The following RARB variants were observed in gnomAD, a reference collection of about 807,000 sequenced individuals.
RARB encodes HBV-activated protein.
A neutral mutation model predicts 51.9 loss-of-function variants in RARB; 17 were observed. That is an observed-to-expected ratio of 0.33 (90% CI 0.22 to 0.49). The LOEUF is 0.49. Among genes scored for constraint, RARB ranks in the 20% least tolerant of loss-of-function variants. The pLI is 0.99. For missense variants in RARB, 369 were observed against 550.8 expected (o/e 0.67, Z 3.30); for synonymous variants, 215 against 195.4 (o/e 1.10, Z -0.84).
In RARB at chr3:25,242,720, A is replaced by G. The variant is rs189639729; in HGVS notation, c.178+68145A>G. 3.0e-3 allele frequency among the ~76,000 whole-genome samples: 461 copies of G among 152,242 alleles called. 4 individuals are homozygous for G. The highest frequency in any genetic ancestry group is 0.011 in the African/African-American group (447 of 41,536). ...GTTTTGGTTATTGTAGCCTTGTAAT[A>G]TAGTTTGAAGTGAAGTAGCATGATG... On this transcript the variant is annotated intron_variant, in intron 5 of 11. Coordinates refer to the RARB transcript ENST00000383772.
chr3:25,475,073 T>A (rs1174120578), intron 2 of RARB, among the ~76,000 whole-genome samples: 2 of 152,226 alleles, frequency 1.3e-5, no homozygotes, highest in Non-Finnish European at 2.9e-5. Context: ...AAATTCATAA[T>A]GCAGGCACTT....
intron 5 of RARB, among the ~76,000 whole-genome samples, chr3:25,253,645 A>C (rs191351310): frequency 3.1e-4 from 47 of 152,260 alleles, no homozygotes; most frequent in South Asian, 1.2e-3. Flanking sequence ...GAAAGAAGAA[A>C]ATAAAATTAA....
In RARB at chr3:25,033,311, A is replaced by G. The variant is rs139406445; in HGVS notation, c.-379-26814A>G. Among the ~76,000 whole-genome samples, 105 of 152,338 alleles carry G rather than the reference A, an allele frequency of 6.9e-4. No homozygotes were observed. In the Middle Eastern group the frequency reaches 0.017, roughly 25 times the overall value. Reference sequence around the variant, plus strand: ...GGGTCACTCATCTATTGTTAAAGATAGCTGTATTAGTCAAGGTCTCAGAAT... The same window carrying G: ...GGGTCACTCATCTATTGTTAAAGATGGCTGTATTAGTCAAGGTCTCAGAAT... On this transcript the variant is annotated intron_variant, in intron 2 of 11. Transcript: ENST00000383772.
At chr3:24,970,164 A>G (rs1696364499) in intron 2 of RARB, among the ~76,000 whole-genome samples, 1 of 152,122 alleles carries the variant, frequency 6.6e-6, no homozygotes, top group South Asian at 2.1e-4. Context: ...ATTAAACTTT[A>G]TCAAAGCAAC....
chr3:24,967,608 C>T (rs1378374631), intron 2 of RARB, among the ~76,000 whole-genome samples: 2 of 152,114 alleles, frequency 1.3e-5, no homozygotes, highest in African/African-American at 4.8e-5. Flanking sequence ...TATTACCCTT[C>T]CACTGGCCTT....
intron 2 of RARB, among the ~76,000 whole-genome samples, chr3:25,469,159 C>T (rs1695578694): frequency 1.3e-5 from 2 of 152,332 alleles, no homozygotes; most frequent in East Asian, 1.9e-4. Context: ...TGACAGCGTT[C>T]GGCTGCTGGG....
intron 5 of RARB, among the ~76,000 whole-genome samples, chr3:25,253,508 T>A (rs957366142): frequency 4.6e-5 from 7 of 152,118 alleles, no homozygotes; most frequent in African/African-American, 1.7e-4. Flanking sequence ...AGCAAACCAC[T>A]TTATGCACTA....
At position 25,428,377 on chromosome 3, in the gene RARB, C is replaced by T. The variant is rs1708063709; in HGVS notation, c.-355C>T. The T allele has an allele frequency of 8.0e-7, 1 of 1,248,264 alleles. No individual in the cohort carries two copies. Among genetic ancestry groups the T allele is most frequent in the Non-Finnish European group, 1.0e-6 (1 of 997,686 alleles). The allele number at this position is 1,248,264 out of a possible 1,614,324, so 77.3% of individuals were successfully genotyped here. On this transcript the variant is annotated 5_prime_UTR_variant, in exon 1 of 8. An upstream open reading frame in the 5' UTR gains an earlier in-frame stop. Coordinates refer to ENST00000330688, the MANE Select transcript of RARB (RefSeq NM_000965.5). ...TTTGAGGACTGGGATGCCGAGAACG[C>T]GAGCGATCCGAGCAGGGTTTGTCTG...
At chr3:25,157,564 A>C (rs1012236967) in intron 4 of RARB, among the ~76,000 whole-genome samples, 1 of 88,930 alleles carries the variant, frequency 1.1e-5, no homozygotes, top group Non-Finnish European at 2.6e-5. Flanking sequence ...CACCCAGCTA[A>C]TTTTTTATTT....
At chr3:25,278,513 C>G (rs1703445724) in intron 5 of RARB, among the ~76,000 whole-genome samples, 1 of 152,168 alleles carries the variant, frequency 6.6e-6, no homozygotes, top group Non-Finnish European at 1.5e-5. Context: ...AACAGTGTCT[C>G]TATACAGGGG....
intron 4 of RARB, among the ~76,000 whole-genome samples, chr3:25,151,602 C>T (rs1221135245): frequency 6.6e-6 from 1 of 152,172 alleles, no homozygotes; most frequent in Non-Finnish European, 1.5e-5. Context: ...GACGATTCAG[C>T]ATTATATGCG....
chr3:25,189,491 A>C (rs1701048610), intron 5 of RARB, among the ~76,000 whole-genome samples: 3 of 152,066 alleles, frequency 2.0e-5, no homozygotes, highest in Admixed American at 2.0e-4. Flanking sequence ...AAAAGGCCAA[A>C]ATGTTCCCTC....
chr3:25,473,114 G>T (rs754019823), intron 2 of RARB, among the ~76,000 whole-genome samples: 3 of 152,154 alleles, frequency 2.0e-5, no homozygotes, highest in Non-Finnish European at 2.9e-5. Flanking sequence ...TTGTCTTCTT[G>T]TCACTATCTC....
At chr3:25,525,371 G>A (rs1276756822) in intron 3 of RARB, among the ~76,000 whole-genome samples, 1 of 152,034 alleles carries the variant, frequency 6.6e-6, no homozygotes, top group Non-Finnish European at 1.5e-5. Flanking sequence ...GATGAAGGTA[G>A]GAGGTATTTA....
At chr3:25,070,625 A>C (rs1379636809) in intron 3 of RARB, among the ~76,000 whole-genome samples, 1 of 152,220 alleles carries the variant, frequency 6.6e-6, no homozygotes. Context: ...AATAGTAGCA[A>C]ACCATTTATA....
At chr3:25,135,120 C>T (rs1191421604) in intron 4 of RARB, among the ~76,000 whole-genome samples, 3 of 151,016 alleles carry the variant, frequency 2.0e-5, no homozygotes, top group African/African-American at 7.3e-5. Context: ...TTGAAGCACA[C>T]TATCCAGAAA....
intron 2 of RARB, among the ~76,000 whole-genome samples, chr3:24,968,428 C>T (rs747230117): frequency 1.3e-5 from 2 of 152,076 alleles, no homozygotes; most frequent in Non-Finnish European, 2.9e-5. Flanking sequence ...ATGTAATAAA[C>T]CACCTTAGAA....
chr3:24,934,794 A>C (rs1695516040), intron 2 of RARB, among the ~76,000 whole-genome samples: 2 of 152,134 alleles, frequency 1.3e-5, no homozygotes, highest in Non-Finnish European at 2.9e-5. Flanking sequence ...CTGCACTGGA[A>C]AAAGTTTTTG....
intron 2 of RARB, among the ~76,000 whole-genome samples, chr3:25,003,130 G>A (rs542824436): frequency 2.1e-4 from 32 of 150,244 alleles, no homozygotes; most frequent in Admixed American, 7.3e-4. Flanking sequence ...CCTTTGCTTC[G>A]CTTTGCCCCT....
Sources: gnomAD v4.1 joint callset for allele counts (sites outside exome capture counted in the v4.1 genomes callset) on GRCh38, gnomAD v4.1.1 for gene constraint, MANE v1.5 for transcripts, NCBI Gene and HGNC (gene_info 2026-07-23, HGNC 2026-07-21) for gene names.